PAGE2B: variants seen among roughly 807,000 people sequenced by gnomAD.
PAGE2B encodes PAGE family member 2B.
In PAGE2B, 5 loss-of-function variants were observed where a neutral mutation model predicts 7.6. That is an observed-to-expected ratio of 0.66 (90% CI 0.34 to 1.38). PAGE2B has a LOEUF of 1.38. Ranked by LOEUF, PAGE2B falls within the 40% of genes most tolerant of loss-of-function variation. The pLI, the probability that PAGE2B is intolerant of heterozygous loss-of-function variation, is 0.04. For synonymous variants in PAGE2B, 29 were observed against 26.7 expected (o/e 1.09, Z -0.27); for missense variants, 70 against 78.4 (o/e 0.89, Z 0.41).
At chrX:55,077,746 GA>G (rs1936539075) in intron 4 of PAGE2B, among the ~76,000 whole-genome samples, 1 of 112,799 alleles carries the variant, frequency 8.9e-6, no homozygotes, top group Non-Finnish European at 1.9e-5. Flanking sequence ...GGCCGAGACA[GA>G]AAGATCACTT....
the PAGE2B span, among the ~76,000 whole-genome samples, chrX:55,040,057 T>C: frequency 1.9e-3 from 209 of 111,171 alleles, no homozygotes; most frequent in Non-Finnish European, 3.1e-3. Flanking sequence ...TTTTTTTTTT[T>C]TGAAGAGATC....
At chrX:55,061,308 T>A in the PAGE2B span, among the ~76,000 whole-genome samples, 4 of 111,238 alleles carry the variant, frequency 3.6e-5, no homozygotes, top group East Asian at 1.1e-3. Flanking sequence ...AAGTTATGCG[T>A]CGTAGGGGTT....
chrX:55,045,250 G>A, the PAGE2B span: 1 of 111,339 alleles, frequency 9.0e-6, no homozygotes, highest in Non-Finnish European at 1.9e-5. Flanking sequence ...CTCTCCTTTG[G>A]GTCATAAGGC....
the PAGE2B span, among the ~76,000 whole-genome samples, chrX:55,041,548 T>C: frequency 8.9e-6 from 1 of 112,330 alleles, no homozygotes; most frequent in African/African-American, 3.2e-5. Context: ...GCTGAGGTTT[T>C]ATTTTGGAAA....
the PAGE2B span, among the ~76,000 whole-genome samples, chrX:55,050,687 T>A: frequency 9.0e-6 from 1 of 111,641 alleles, no homozygotes; most frequent in African/African-American, 3.3e-5. Flanking sequence ...CCCTTTATTT[T>A]GAGCCTATGT....
the PAGE2B span, chrX:55,031,184 G>C: frequency 6.5e-3 from 1,186 of 181,091 alleles, 3 homozygotes; most frequent in Middle Eastern, 9.4e-3. Context: ...CTATAGGACA[G>C]TAAAATTAGC....
the PAGE2B span, among the ~76,000 whole-genome samples, chrX:55,046,695 C>G: frequency 9.0e-6 from 1 of 111,363 alleles, no homozygotes; most frequent in Non-Finnish European, 1.9e-5. Flanking sequence ...TGTTGTTGTT[C>G]CTGGCAACGT....
At chrX:55,028,863 G>A in the PAGE2B span, among the ~76,000 whole-genome samples, 1 of 111,421 alleles carries the variant, frequency 9.0e-6, no homozygotes, top group Non-Finnish European at 1.9e-5. Context: ...ATAGGCTCTA[G>A]AGCCAAACTA....
At chrX:55,057,359 A>G in the PAGE2B span, among the ~76,000 whole-genome samples, 3 of 112,203 alleles carry the variant, frequency 2.7e-5, no homozygotes, top group African/African-American at 9.7e-5. Context: ...GAGGATGGGT[A>G]TTAACCAAAT....
At chrX:55,073,018 C>T (rs908791285), upstream of PAGE2B, among the ~76,000 whole-genome samples, 1 of 111,645 alleles carries the variant, frequency 9.0e-6, no homozygotes, top group African/African-American at 3.3e-5. Context: ...AGGACTGGGA[C>T]CTGATGAGCA....
At chrX:55,076,234 A>C (rs918182341) in intron 2 of PAGE2B, 109 bp downstream of exon 2, 1 of 909,776 alleles carries the variant, frequency 1.1e-6, no homozygotes, top group Non-Finnish European at 1.5e-6. Flanking sequence ...ATAAAAAATG[A>C]TGATGGCATC....
At chrX:55,042,932 C>T in the PAGE2B span, among the ~76,000 whole-genome samples, 1 of 110,538 alleles carries the variant, frequency 9.0e-6, no homozygotes, top group African/African-American at 3.3e-5. Flanking sequence ...CATTATATTA[C>T]CTGACTTCAA....
chrX:55,032,520 G>T, the PAGE2B span, among the ~76,000 whole-genome samples: 1 of 110,782 alleles, frequency 9.0e-6, no homozygotes, highest in Non-Finnish European at 1.9e-5. Flanking sequence ...ATGCACTCTG[G>T]AGTCAGACTC....
At chrX:55,067,584 G>T in the PAGE2B span, among the ~76,000 whole-genome samples, 1 of 111,544 alleles carries the variant, frequency 9.0e-6, no homozygotes, top group Non-Finnish European at 1.9e-5. Context: ...TGAGATTGCT[G>T]GGTCAAATGG....
At chrX:55,043,059 C>A in the PAGE2B span, among the ~76,000 whole-genome samples, 1 of 111,132 alleles carries the variant, frequency 9.0e-6, no homozygotes, top group Non-Finnish European at 1.9e-5. Flanking sequence ...AGTCAACTGA[C>A]CTTTAACAAA....
At chrX:55,063,370 G>T in the PAGE2B span, among the ~76,000 whole-genome samples, 1 of 110,730 alleles carries the variant, frequency 9.0e-6, no homozygotes, top group African/African-American at 3.3e-5. Context: ...CTGATTGTTC[G>T]CTGTTAGCAT....
At chrX:55,070,732 A>T (rs1416853816), upstream of PAGE2B, among the ~76,000 whole-genome samples, 1 of 111,627 alleles carries the variant, frequency 9.0e-6, no homozygotes, top group Non-Finnish European at 1.9e-5. Context: ...TTGGGTGCAT[A>T]TATATTTAGA....
At chrX:55,076,698 A>G (rs1569548354) in intron 3 of PAGE2B, 21 bp downstream of exon 3, 3 of 1,174,861 alleles carry the variant, frequency 2.6e-6, no homozygotes, top group African/African-American at 3.6e-5. Flanking sequence ...AGTGGAGAAT[A>G]ATGCTTATGG....
At chrX:55,054,659 C>T in the PAGE2B span, among the ~76,000 whole-genome samples, 3 of 111,956 alleles carry the variant, frequency 2.7e-5, no homozygotes, top group African/African-American at 6.5e-5. Flanking sequence ...AAACTGAAAT[C>T]GAATTATAAT....
Sources: allele counts gnomAD v4.1 joint callset (sites outside exome capture counted in the v4.1 genomes callset), GRCh38; gene constraint gnomAD v4.1.1; transcripts MANE v1.5; gene names NCBI Gene and HGNC (gene_info 2026-07-23, HGNC 2026-07-21).